TUBGCP6: variants seen among roughly 807,000 people sequenced by gnomAD.
TUBGCP6 encodes the protein tubulin gamma complex component 6, also known as gamma-tubulin complex component 6.
Under a neutral mutation model 175.8 loss-of-function variants are expected in TUBGCP6, and 161 were observed. The ratio of observed to expected loss-of-function variants is 0.92; its 90% CI spans 0.81 to 1.04. TUBGCP6 has a LOEUF of 1.04. TUBGCP6 is among the 50% of genes least tolerant of loss of function. The pLI, the probability that TUBGCP6 is intolerant of heterozygous loss-of-function variation, is 0.00. For synonymous variants in TUBGCP6, 1,173 were observed against 1,030.5 expected, an observed-to-expected ratio of 1.14 and a Z score of -2.65; for missense variants, 2,572 against 2,433.0, an observed-to-expected ratio of 1.06 and a Z score of -1.20.
Position 50,245,022 on chromosome 22 carries a change from G to A in TUBGCP6, c.-563C>T, listed in dbSNP as rs990729516. ...TCCGTCGCGTCACAGCCGCGCCAGT[G>A]TGAAGAGCACTAGGGCGGGCGCGCC... On this transcript the variant is annotated 5_prime_UTR_variant, in exon 1 of 25. Coordinates refer to ENST00000248846, the MANE Select transcript of TUBGCP6 (RefSeq NM_020461.4). 4 of 246,012 alleles carry A rather than the reference G, an allele frequency of 1.6e-5. No individual in the cohort carries two copies. Among genetic ancestry groups the A allele is most frequent in the African/African-American group, 4.7e-5 (2 of 42,292 alleles). The allele number at this position is 246,012 out of a possible 1,614,324, so 15.2% of individuals were successfully genotyped here. A position where few individuals can be genotyped will look rare whatever the true frequency, so the allele number is the denominator to read the frequency against.
intron 1 of TUBGCP6, among the ~76,000 whole-genome samples, chr22:50,243,291 T>C (rs1338826391): frequency 6.6e-6 from 1 of 152,022 alleles, no homozygotes; most frequent in Non-Finnish European, 1.5e-5. Flanking sequence ...CTACTAAAAA[T>C]ACAAAACTTA....
chr22:50,222,859 G>A (rs1206753917), intron 13 of TUBGCP6: 5 of 455,720 alleles, frequency 1.1e-5, no homozygotes, highest in Non-Finnish European at 1.2e-5. Context: ...ATACCAGAAT[G>A]AGATCCTGTG....
chr22:50,231,385 C>T (rs544773819), intron 3 of TUBGCP6, among the ~76,000 whole-genome samples: 44 of 143,768 alleles, frequency 3.1e-4, no homozygotes, highest in African/African-American at 1.1e-3. Context: ...ACCCAGGAGG[C>T]GGAGGCTGCA....
chr22:50,240,786 T>C (rs980222230), intron 1 of TUBGCP6, among the ~76,000 whole-genome samples: 6 of 152,144 alleles, frequency 3.9e-5, no homozygotes, highest in South Asian at 2.1e-4. Flanking sequence ...GGTCAGGAGT[T>C]TGAGACCAGC....
chr22:50,238,243 A>C (rs569619898), intron 2 of TUBGCP6, among the ~76,000 whole-genome samples: 1 of 151,840 alleles, frequency 6.6e-6, no homozygotes, highest in African/African-American at 2.4e-5. Flanking sequence ...TGAGCTGAAG[A>C]ATGTTCCAGG....
In TUBGCP6 at chr22:50,235,226, A is replaced by G. The variant is rs371867251; in HGVS notation, c.906-1700T>C. Among the ~76,000 whole-genome samples, 13 of 152,050 alleles carry G rather than the reference A, an allele frequency of 8.5e-5. No individual in the cohort carries two copies. The East Asian group carries it at 2.1e-3, about 25-fold the overall frequency. The stretch of plus-strand genomic sequence containing the variant: ...ATCCCTGTCCACGGCAGCATCATCC[A>G]CACTCCTGTCCATGGCAGCATCCAC... On this transcript the variant is annotated intron_variant, in intron 2 of 24. Coordinates refer to ENST00000248846, the MANE Select transcript of TUBGCP6 (RefSeq NM_020461.4).
intron 1 of TUBGCP6, among the ~76,000 whole-genome samples, chr22:50,242,209 G>A (rs953988094): frequency 9.2e-5 from 14 of 151,806 alleles, no homozygotes; most frequent in Admixed American, 2.0e-4. Context: ...GGAGAATGGC[G>A]TGAACCTGGG....
chr22:50,232,650 G>A (rs994343932), intron 3 of TUBGCP6, among the ~76,000 whole-genome samples: 1 of 152,232 alleles, frequency 6.6e-6, no homozygotes, highest in African/African-American at 2.4e-5. Context: ...GAGAACAGGC[G>A]CCCTCAGCGC....
At position 50,217,833 on chromosome 22, in the gene TUBGCP6, G is replaced by GA. The variant is rs766213817; in HGVS notation, c.5369-7dup. The GA allele has an allele frequency of 1.7e-5, 27 of 1,613,598 alleles. No individual in the cohort carries two copies. In the African/African-American group the frequency reaches 2.0e-4, roughly 12 times the overall value. ...GTTCACCAGCTTGGTCACCACTGGGGACCAGCGAGCAGCTCAGGCTTTTGC... is the reference window on the plus strand; with the variant it reads ...GTTCACCAGCTTGGTCACCACTGGGGAACCAGCGAGCAGCTCAGGCTTTTGC... On this transcript the variant is annotated splice_region_variant and splice_polypyrimidine_tract_variant and intron_variant, in intron 24 of 24. Coordinates refer to ENST00000248846, the MANE Select transcript of TUBGCP6 (RefSeq NM_020461.4).
At chr22:50,237,913 G>C (rs2064795964) in intron 2 of TUBGCP6, among the ~76,000 whole-genome samples, 1 of 152,078 alleles carries the variant, frequency 6.6e-6, no homozygotes. Flanking sequence ...ACCTGACGGT[G>C]GGAGTTCAAG....
intron 1 of TUBGCP6, among the ~76,000 whole-genome samples, chr22:50,240,607 A>G (rs1271038559): frequency 6.6e-6 from 1 of 152,232 alleles, no homozygotes; most frequent in African/African-American, 2.4e-5. Context: ...AGTGGAACTT[A>G]GAGTGAAACT....
intron 1 of TUBGCP6, among the ~76,000 whole-genome samples, chr22:50,241,038 A>G (rs1368613331): frequency 6.6e-6 from 1 of 152,276 alleles, no homozygotes; most frequent in African/African-American, 2.4e-5. Context: ...GAGCTGTTCT[A>G]GTACAATAAA....
intron 1 of TUBGCP6, among the ~76,000 whole-genome samples, chr22:50,240,914 G>A (rs572751280): frequency 2.6e-5 from 4 of 152,320 alleles, no homozygotes; most frequent in South Asian, 4.1e-4. Context: ...GCTTGAACCC[G>A]GGAAGCGGAG....
At position 50,218,740 on chromosome 22, in the gene TUBGCP6, G is replaced by A; in HGVS notation, c.4784C>T (p.Ala1595Val). 1 of 1,614,048 alleles carries A rather than the reference G, an allele frequency of 6.2e-7. No homozygotes were observed. ...CTCCAGGCAGCTCAGCACATCCGGG[G>A]CGTTGGGGGCAAACACCTCGGGCAG... Reference protein sequence around the residue: ...KYLPEVFAPNAPDVLSCLELR... With the variant: ...KYLPEVFAPNVPDVLSCLELR... Residue 1595 changes from alanine to valine, a missense_variant, in exon 21 of 25, where the codon GCC becomes GTC. Coordinates refer to ENST00000248846, the MANE Select transcript of TUBGCP6 (RefSeq NM_020461.4).
Position 50,224,252 on chromosome 22 carries a change from C to G in TUBGCP6, c.2159G>C (p.Arg720Pro). 1 of 1,614,114 alleles carries G rather than the reference C, an allele frequency of 6.2e-7. No individual in the cohort carries two copies. The highest frequency in any genetic ancestry group is 8.5e-7 in the Non-Finnish European group (1 of 1,180,046). Reference sequence around the variant, plus strand: ...CAGCTCCTCCTGCCTGGCCGCCTGGCGTCGCTATAAAACACATAGAGCCTG... The same window carrying G: ...CAGCTCCTCCTGCCTGGCCGCCTGGGGTCGCTATAAAACACATAGAGCCTG... ...KEQFVKDQER[R>P]QAARQEELDD... is the part of the protein sequence containing the mutation. The change falls in exon 13 of 25, where the codon CGC becomes CCC. Residue 720 changes from arginine to proline, a missense_variant. Physicochemically the swap from Arg to Pro is moderately radical, Grantham distance 103. Transcript: ENST00000248846.
chr22:50,227,806 C>A (rs760850093), intron 5 of TUBGCP6, 101 bp downstream of exon 5: 4 of 1,477,436 alleles, frequency 2.7e-6, no homozygotes, highest in Non-Finnish European at 3.6e-6. Flanking sequence ...GCTGTTCTCA[C>A]AGGCCCTCCT....
chr22:50,226,932 A>G, intron 6 of TUBGCP6, 67 bp downstream of exon 6: 1 of 1,567,202 alleles, frequency 6.4e-7, no homozygotes, highest in Non-Finnish European at 8.7e-7. Flanking sequence ...CTCCAGGGAC[A>G]CGCTCAGCCA....
At chr22:50,219,023 C>T (rs571498246) in intron 20 of TUBGCP6, 45 bp downstream of exon 20, 22 of 1,606,050 alleles carry the variant, frequency 1.4e-5, no homozygotes, top group East Asian at 8.9e-5. Context: ...TCTTTTCCCA[C>T]GGCCTCCCCT....
At chr22:50,222,628 A>G in intron 13 of TUBGCP6, 36 bp from the exon 14 acceptor site, 1 of 1,601,430 alleles carries the variant, frequency 6.2e-7, no homozygotes, top group Non-Finnish European at 8.5e-7. Flanking sequence ...CGGCCACAAG[A>G]GTCACCCCAC....
Sources: allele counts gnomAD v4.1 joint callset (sites outside exome capture counted in the v4.1 genomes callset), GRCh38; gene constraint gnomAD v4.1.1; transcripts MANE v1.5; gene names NCBI Gene and HGNC (gene_info 2026-07-23, HGNC 2026-07-21).